The following LPO variants were observed in gnomAD, a reference collection of about 807,000 sequenced individuals.
LPO encodes salivary peroxidase.
Under a neutral mutation model 68.4 loss-of-function variants are expected in LPO, and 70 were observed. That is an observed-to-expected ratio of 1.02 (90% CI 0.84 to 1.25). The LOEUF (loss-of-function observed/expected upper bound fraction) is 1.25. Ranked by LOEUF, LPO falls within the 50% of genes most tolerant of loss-of-function variation. The probability of loss-of-function intolerance (pLI) is 0.00; values close to 1 mark genes in which losing one functional copy is unlikely to be tolerated. For missense variants in LPO, 873 were observed against 908.4 expected (o/e 0.96, Z 0.50); for synonymous variants, 360 against 357.6 (o/e 1.01, Z -0.08).
chr17:58,243,797 A>G (rs973745508), intron 2 of LPO, 197 bp from the exon 3 acceptor site: 46 of 594,610 alleles, frequency 7.7e-5, no homozygotes, highest in Non-Finnish European at 2.1e-5. Flanking sequence ...CATCTTGTTG[A>G]AGATCCAAGA....
intron 9 of LPO, among the ~76,000 whole-genome samples, chr17:58,262,768 T>C (rs1367448616): frequency 1.3e-5 from 2 of 152,244 alleles, no homozygotes; most frequent in East Asian, 3.8e-4. Context: ...TACTTTATGT[T>C]TAGTTTTCAG....
chr17:58,244,134 TC>T, intron 3 of LPO, 53 bp downstream of exon 3: 1 of 1,064,770 alleles, frequency 9.4e-7, no homozygotes, highest in East Asian at 2.8e-5. Flanking sequence ...CACACACACT[TC>T]CCTTCACAGG....
chr17:58,254,935 C>A lies in LPO; in HGVS notation c.1230C>A (p.Tyr410Ter), dbSNP rs151084454. The A allele has an allele frequency of 6.8e-5, 109 of 1,613,938 alleles. No individual in the cohort carries two copies. Among genetic ancestry groups the A allele is most frequent in the Admixed American group, 1.5e-4 (9 of 59,988 alleles). The part of the protein sequence containing the change: ...LNPQWDGEKL[Y>*]QEARKILGAF... ...CTCAGTGGGATGGAGAGAAGCTCTACCAGGAAGCCCGGAAAATCCTGGGAG... is the reference window on the plus strand; with the variant it reads ...CTCAGTGGGATGGAGAGAAGCTCTAACAGGAAGCCCGGAAAATCCTGGGAG... The change falls in exon 9 of 13, where the codon TAC (tyrosine) becomes TAA (stop). Residue 410 changes from tyrosine (Y) to a stop codon, truncating the protein, a stop_gained. Transcript: ENST00000262290. LOFTEE classifies it high-confidence loss of function.
At position 58,252,176 on chromosome 17, in the gene LPO, C is replaced by G. The variant is rs762405569; in HGVS notation, c.781-6C>G. The G allele has an allele frequency of 6.8e-5, 109 of 1,612,902 alleles. No homozygotes were observed. The highest frequency in any genetic ancestry group is 1.4e-4 in the South Asian group (13 of 90,986). On this transcript the variant is annotated splice_polypyrimidine_tract_variant and splice_region_variant and intron_variant, in intron 7 of 12. Transcript: ENST00000262290. ...GCCCAGTCACTTATGCCCACTCTCTCTGCAGTTCCCACCCAATGACCCCAA... is the reference window on the plus strand; with the variant it reads ...GCCCAGTCACTTATGCCCACTCTCTGTGCAGTTCCCACCCAATGACCCCAA...
chr17:58,267,805 TG>T lies in LPO; in HGVS notation c.1954del (p.Val652SerfsTer59). Reference protein sequence around the residue: ...DGDRFWWENPGVFTNEQKDSL... With the variant: ...DGDRFWWENPXVFTNEQKDSL... The stretch of plus-strand genomic sequence containing the variant: ...TCTGCAGGTTCTGGTGGGAAAACCC[TG>T]GGGTCTTCACGAACGAGCAGAAGGA... On this transcript the variant is annotated frameshift_variant, in exon 13 of 13. Coordinates refer to ENST00000262290, the MANE Select transcript of LPO (RefSeq NM_006151.3). LOFTEE classifies it low-confidence loss of function (END_TRUNC). 6.2e-7 allele frequency: 1 copy of T among 1,614,122 alleles called. No individual in the cohort carries two copies. Among genetic ancestry groups the T allele is most frequent in the Non-Finnish European group, 8.5e-7 (1 of 1,179,996 alleles).
chr17:58,245,238 C>T (rs1010167653), intron 3 of LPO, among the ~76,000 whole-genome samples: 17 of 152,258 alleles, frequency 1.1e-4, no homozygotes, highest in African/African-American at 3.6e-4. Context: ...TCTCCTTCTC[C>T]CTCTTTCTGG....
chr17:58,249,091 G>A lies in LPO; in HGVS notation c.357G>A (p.Leu119=), dbSNP rs145376474. The change falls in exon 5 of 13, where the codon CTG becomes CTA. Residue 119 remains leucine (L), a synonymous_variant. Transcript: ENST00000262290. ...DPSLDLTSLS[L]EVGCGAPAPV... ...GCCTGGACTTGACTTCACTGTCTCT[G>A]GAGGTGGGCTGTGGTGCTCCTGCTC... 5.3e-5 allele frequency: 86 copies of A among 1,614,058 alleles called. No individual in the cohort carries two copies. In the Middle Eastern group the frequency reaches 8.2e-4, roughly 15 times the overall value.
intron 9 of LPO, among the ~76,000 whole-genome samples, chr17:58,261,167 C>T (rs1393454951): frequency 1.3e-5 from 2 of 152,178 alleles, no homozygotes; most frequent in Non-Finnish European, 2.9e-5. Flanking sequence ...TCAGTCTGTA[C>T]TCCAGCTAAT....
chr17:58,256,995 T>G (rs1396264137), intron 9 of LPO, among the ~76,000 whole-genome samples: 3 of 140,416 alleles, frequency 2.1e-5, no homozygotes, highest in Non-Finnish European at 4.6e-5. Context: ...TTACTCTTTT[T>G]TTTTTTTTTT....
At chr17:58,262,888 T>A (rs1307034223) in intron 9 of LPO, among the ~76,000 whole-genome samples, 1 of 152,262 alleles carries the variant, frequency 6.6e-6, no homozygotes, top group Non-Finnish European at 1.5e-5. Flanking sequence ...TTGAGAAATT[T>A]TCAGGCATTA....
intron 7 of LPO, 180 bp from the exon 8 acceptor site, chr17:58,252,002 C>A: frequency 1.3e-6 from 1 of 766,384 alleles, no homozygotes; most frequent in South Asian, 1.4e-5. Context: ...TAATGAACTT[C>A]AGGATATTAT....
intron 1 of LPO, among the ~76,000 whole-genome samples, chr17:58,242,339 C>T (rs145768150): frequency 1.7e-3 from 258 of 152,318 alleles, no homozygotes; most frequent in Middle Eastern, 0.01. Flanking sequence ...GAGCTCTGAG[C>T]TTTGTCATAA....
At chr17:58,242,221 A>C (rs2143879574) in intron 1 of LPO, among the ~76,000 whole-genome samples, 1 of 152,362 alleles carries the variant, frequency 6.6e-6, no homozygotes, top group East Asian at 1.9e-4. Context: ...AAAGCTTCAC[A>C]AATTTCAGTC....
chr17:58,247,776 C>A, intron 4 of LPO, 138 bp downstream of exon 4: 1 of 973,180 alleles, frequency 1.0e-6, no homozygotes, highest in South Asian at 1.7e-5. Context: ...TTCTTAGACC[C>A]GTAGACGAGA....
At chr17:58,247,751 A>G in intron 4 of LPO, 113 bp downstream of exon 4, 1 of 1,192,100 alleles carries the variant, frequency 8.4e-7, no homozygotes, top group Non-Finnish European at 1.2e-6. Context: ...TCAGAGGAAC[A>G]CTCCTGTCTC....
intron 10 of LPO, among the ~76,000 whole-genome samples, chr17:58,265,575 T>TC (rs1970247495): frequency 2.1e-5 from 1 of 46,940 alleles, no homozygotes; most frequent in Non-Finnish European, 3.8e-5. Flanking sequence ...AAAAATACCT[T>TC]TTTTTTTTTT....
At chr17:58,242,066 T>C (rs1969769968) in intron 1 of LPO, among the ~76,000 whole-genome samples, 1 of 152,146 alleles carries the variant, frequency 6.6e-6, no homozygotes, top group Non-Finnish European at 1.5e-5. Context: ...TTGTGAAAGC[T>C]GAGGAGCCTC....
rs754453606 is a variant in LPO at position 58,267,956 on chromosome 17, A to G, written c.2101A>G (p.Lys701Glu). The change falls in exon 13 of 13, where the codon AAG becomes GAG. Residue 701 changes from lysine to glutamate, a missense_variant. Transcript: ENST00000262290. ...YDFVDCSAID[K>E]LDLSPWASVK... ...CTTCGTGGATTGCTCAGCCATCGAC[A>G]AGCTGGACCTGTCACCCTGGGCCTC... 1 of 1,614,026 alleles carries G rather than the reference A, an allele frequency of 6.2e-7. No homozygotes were observed. The highest frequency in any genetic ancestry group is 1.7e-5 in the Admixed American group (1 of 60,014).
At chr17:58,249,844 G>T in intron 6 of LPO, 149 bp downstream of exon 6, 1 of 1,246,492 alleles carries the variant, frequency 8.0e-7, no homozygotes, top group Non-Finnish European at 1.1e-6. Context: ...TTCCGCTAGA[G>T]GGCAGCAGAG....
Sources: gnomAD v4.1 joint callset for allele counts (sites outside exome capture counted in the v4.1 genomes callset) on GRCh38, gnomAD v4.1.1 for gene constraint, MANE v1.5 for transcripts, NCBI Gene and HGNC (gene_info 2026-07-23, HGNC 2026-07-21) for gene names.